Variants in SMPDL3B observed in about 807,000 individuals in gnomAD.
SMPDL3B encodes acid sphingomyelinase-like phosphodiesterase 3b.
Under a neutral mutation model 37.9 loss-of-function variants are expected in SMPDL3B, and 31 were observed. That is an observed-to-expected ratio of 0.82 (90% confidence interval 0.61 to 1.10). The LOEUF is 1.10. Ranked by LOEUF, SMPDL3B falls within the 50% of genes least tolerant of loss-of-function variation. The pLI, the probability that SMPDL3B is intolerant of heterozygous loss-of-function variation, is 0.00. For missense variants in SMPDL3B, 525 were observed against 597.8 expected, an observed-to-expected ratio of 0.88 and a Z score of 1.27; for synonymous variants, 235 against 242.6, an observed-to-expected ratio of 0.97 and a Z score of 0.29.
chr1:27,954,240 A>G, intron 4 of SMPDL3B, 114 bp from the exon 5 acceptor site: 1 of 1,018,108 alleles, frequency 9.8e-7, no homozygotes, highest in South Asian at 1.6e-5. Context: ...CCCATGGGAA[A>G]GATGGGAGGG....
At chr1:27,938,105 C>G (rs1397096739) in intron 1 of SMPDL3B, among the ~76,000 whole-genome samples, 1 of 152,214 alleles carries the variant, frequency 6.6e-6, no homozygotes, top group African/African-American at 2.4e-5. Context: ...TGGGGTAGCC[C>G]TGCTCTGCAG....
intron 2 of SMPDL3B, among the ~76,000 whole-genome samples, chr1:27,947,008 A>G (rs560954684): frequency 6.6e-6 from 1 of 150,790 alleles, no homozygotes; most frequent in Non-Finnish European, 1.5e-5. Context: ...GGGATCCCTC[A>G]GGAAATTCAT....
Position 27,956,411 on chromosome 1 carries a change from C to A in SMPDL3B, c.1005+329C>A. On this transcript the variant is annotated intron_variant, in intron 7 of 7. Transcript: ENST00000373894. ...TATAGCACCACTTTCATCTTGTCTC[C>A]GTCCTGCTCAAAAACCTTCAGTGGC... is the stretch of plus-strand genomic sequence containing the variant. 4 of 1,262,832 alleles carry A rather than the reference C, an allele frequency of 3.2e-6. No individual in the cohort carries two copies. The East Asian group carries it at 8.7e-5, about 28-fold the overall frequency. The allele number at this position is 1,262,832 out of a possible 1,614,324, so 78.2% of individuals were successfully genotyped here.
rs2090495587 is a variant in SMPDL3B, at chr1:27,955,790, A to C, written c.797A>C (p.His266Pro). The C allele has an allele frequency of 1.9e-6, 3 of 1,614,180 alleles. No homozygotes were observed. Among genetic ancestry groups the C allele is most frequent in the Non-Finnish European group, 2.5e-6 (3 of 1,180,034 alleles). Reference protein sequence around the residue: ...NEKYLKVVRKHHRVIAGQFFG... With the variant: ...NEKYLKVVRKPHRVIAGQFFG... Reference sequence around the variant, plus strand: ...AAATACCTGAAGGTGGTCCGGAAGCATCATCGCGTCATAGCAGGGCAGTTC... The same window carrying C: ...AAATACCTGAAGGTGGTCCGGAAGCCTCATCGCGTCATAGCAGGGCAGTTC... Residue 266 changes from histidine (H) to proline (P), a missense_variant, in exon 6 of 8, where the codon CAT (histidine) becomes CCT (proline). Physicochemically the swap from His to Pro is moderately conservative, Grantham distance 77 (BLOSUM62 -2). Transcript: ENST00000373894.
chr1:27,948,525 T>A (rs1378170066), intron 2 of SMPDL3B, among the ~76,000 whole-genome samples: 1 of 152,006 alleles, frequency 6.6e-6, no homozygotes, highest in East Asian at 1.9e-4. Flanking sequence ...GGCACAGTGG[T>A]CCCAGGGCAG....
chr1:27,955,229 CT>C (rs1178486850), intron 5 of SMPDL3B, among the ~76,000 whole-genome samples: 3 of 152,222 alleles, frequency 2.0e-5, no homozygotes, highest in African/African-American at 7.2e-5. Context: ...ACTCTGTCCC[CT>C]GTTCTAACTC....
chr1:27,953,097 C>T, intron 3 of SMPDL3B, 118 bp from the exon 4 acceptor site: 1 of 724,926 alleles, frequency 1.4e-6, no homozygotes, highest in Non-Finnish European at 2.3e-6. Context: ...TGTGTCTTTT[C>T]CTCATCTGTG....
chr1:27,935,017 G>GAC lies in SMPDL3B; in HGVS notation c.-167_-166insAC. ...CCCAGATCATACCCTGCTGGGCAAA[G>GAC]GAGGAAGAGCCAGAGGATCCAGACG... is the stretch of plus-strand genomic sequence containing the variant. On this transcript the variant is annotated 5_prime_UTR_variant, in exon 1 of 8. Coordinates refer to ENST00000373894, the MANE Select transcript of SMPDL3B (RefSeq NM_014474.4). 1 of 595,948 alleles carries GAC rather than the reference G, an allele frequency of 1.7e-6. No individual in the cohort carries two copies. The highest frequency in any genetic ancestry group is 3.0e-6 in the Non-Finnish European group (1 of 332,200). 36.9% of individuals were successfully genotyped at this position (595,948 alleles called of 1,614,324 possible). A position where few individuals can be genotyped will look rare whatever the true frequency, so the allele number is the denominator to read the frequency against.
At chr1:27,957,319 T>C (rs1176737081) in intron 7 of SMPDL3B, among the ~76,000 whole-genome samples, 2 of 151,708 alleles carry the variant, frequency 1.3e-5, no homozygotes, top group African/African-American at 2.4e-5. Flanking sequence ...TTTGCTAGAG[T>C]GGATATGAGC....
chr1:27,935,254 T>G lies in SMPDL3B; in HGVS notation c.61+10T>G. ...GCCAGGGCTGAACCAGGTACAGCAC[T>G]GGGAATGTCTGCTATGCCTTTGTTT... On this transcript the variant is annotated intron_variant, in intron 1 of 7. Transcript: ENST00000373894. 1.2e-6 allele frequency: 2 copies of G among 1,604,142 alleles called. No homozygotes were observed. Among genetic ancestry groups the G allele is most frequent in the Non-Finnish European group, 1.7e-6 (2 of 1,171,068 alleles).
chr1:27,955,902 CCTT>C, intron 6 of SMPDL3B, 38 bp downstream of exon 6: 1 of 1,611,784 alleles, frequency 6.2e-7, no homozygotes, highest in Non-Finnish European at 8.5e-7. Context: ...CTCCCTCCCT[CCTT>C]CTCTCCCCAG....
chr1:27,946,875 C>T (rs1486886751), intron 2 of SMPDL3B, among the ~76,000 whole-genome samples: 1 of 152,134 alleles, frequency 6.6e-6, no homozygotes, highest in African/African-American at 2.4e-5. Context: ...GCTCTGGCTT[C>T]CTTGGGCTCA....
At chr1:27,935,708 T>A (rs932104449) in intron 1 of SMPDL3B, among the ~76,000 whole-genome samples, 21 of 152,012 alleles carry the variant, frequency 1.4e-4, no homozygotes, top group Non-Finnish European at 3.1e-4. Context: ...ATAAGTGTTA[T>A]GGGGAAAATA....
chr1:27,949,900 G>A (rs549498677), intron 3 of SMPDL3B, among the ~76,000 whole-genome samples: 14 of 151,636 alleles, frequency 9.2e-5, no homozygotes, highest in Non-Finnish European at 1.8e-4. Context: ...CAGATATGGA[G>A]TAATAATAAA....
rs1010797190 is a variant in SMPDL3B, at chr1:27,958,801, T to C, written c.1331T>C (p.Leu444Pro). The C allele has an allele frequency of 1.9e-6, 3 of 1,606,368 alleles. No homozygotes were observed. The highest frequency in any genetic ancestry group is 1.1e-5 in the South Asian group (1 of 90,714). ...TTPVPQLPLLLMALLGLCTLV... is the reference protein window; with the variant it reads ...TTPVPQLPLLPMALLGLCTLV... ...CCCGTGCCCCAGCTCCCGCTGCTGC[T>C]GATGGCCCTGCTGGGCCTGTGCACG... The change falls in exon 8 of 8, where the codon CTG (leucine) becomes CCG (proline). Residue 444 changes from leucine to proline, a missense_variant. Transcript: ENST00000373894. The surrounding 1 kb of genome is among the most constrained non-coding windows in gnomAD (Gnocchi z 5.6).
At chr1:27,937,987 C>T (rs1458761972) in intron 1 of SMPDL3B, among the ~76,000 whole-genome samples, 1 of 152,198 alleles carries the variant, frequency 6.6e-6, no homozygotes, top group African/African-American at 2.4e-5. Flanking sequence ...TTAAAAGTTA[C>T]TACCCCTTCC....
At position 27,945,388 on chromosome 1, in the gene SMPDL3B, C is replaced by G. The variant is rs771835908; in HGVS notation, c.218C>G (p.Ser73Cys). 1 of 1,614,202 alleles carries G rather than the reference C, an allele frequency of 6.2e-7. No individual in the cohort carries two copies. Among genetic ancestry groups the G allele is most frequent in the South Asian group, 1.1e-5 (1 of 91,088 alleles). ...LCDSPWALINSSIYAMKEIEP... is the reference protein window; with the variant it reads ...LCDSPWALINCSIYAMKEIEP... ...GATTCTCCCTGGGCCCTCATCAACT[C>G]CTCCATCTATGCCATGAAGGAGATT... The change falls in exon 2 of 8, where the codon TCC (serine) becomes TGC (cysteine). Residue 73 changes from serine to cysteine, a missense_variant. Coordinates refer to ENST00000373894, the MANE Select transcript of SMPDL3B (RefSeq NM_014474.4). The surrounding 1 kb of genome is among the most constrained non-coding windows in gnomAD (Gnocchi z 4.0).
chr1:27,954,156 A>T (rs925265830), intron 4 of SMPDL3B, among the ~76,000 whole-genome samples, 198 bp from the exon 5 acceptor site: 2 of 152,262 alleles, frequency 1.3e-5, no homozygotes, highest in Non-Finnish European at 2.9e-5. Flanking sequence ...TGCACAGCGA[A>T]TGAGTTCCAG....
chr1:27,944,995 C>A (rs900307181), intron 1 of SMPDL3B, among the ~76,000 whole-genome samples: 1 of 152,136 alleles, frequency 6.6e-6, no homozygotes, highest in African/African-American at 2.4e-5. Flanking sequence ...GGGAGGAGGA[C>A]GGGGCCTTGC....
Sources: allele counts gnomAD v4.1 joint callset (sites outside exome capture counted in the v4.1 genomes callset), GRCh38; gene constraint gnomAD v4.1.1; non-coding constraint Gnocchi (gnomAD v3.1); transcripts MANE v1.5; gene names NCBI Gene and HGNC (gene_info 2026-07-23, HGNC 2026-07-21).